Variants in RCOR2 observed in about 807,000 individuals in gnomAD.
RCOR2 encodes the protein REST corepressor 2.
Under a neutral mutation model 58.9 loss-of-function variants are expected in RCOR2, and 19 were observed. The ratio of observed to expected loss-of-function variants is 0.32; its 90% CI spans 0.23 to 0.47. The LOEUF (loss-of-function observed/expected upper bound fraction) is 0.47, where lower values mean the gene tolerates loss of function less well. Ranked by LOEUF, RCOR2 falls within the 20% of genes least tolerant of loss-of-function variation. RCOR2 has a pLI of 1.00. For missense variants in RCOR2, 590 were observed against 707.9 expected (o/e 0.83, Z 1.89); for synonymous variants, 286 against 278.7 (o/e 1.03, Z -0.26).
upstream of RCOR2, among the ~76,000 whole-genome samples, chr11:63,921,373 C>T (rs1941915090): frequency 6.6e-6 from 1 of 152,206 alleles, no homozygotes; most frequent in Non-Finnish European, 1.5e-5. Flanking sequence ...GCGCCATGTT[C>T]CTGGGGAAGT....
rs1194873727 is a variant in RCOR2, at chr11:63,915,311, A to T, written c.185-53T>A. ...ACACTCAGATCAGCCTGGTGGCACA[A>T]GCCTAGACCCATGGCCAGAGGGCAG... On this transcript the variant is annotated intron_variant, in intron 2 of 11. Coordinates refer to ENST00000301459, the MANE Select transcript of RCOR2 (RefSeq NM_173587.4). 17 of 1,492,448 alleles carry T rather than the reference A, an allele frequency of 1.1e-5. No homozygotes were observed. In the African/African-American group the frequency reaches 1.8e-4, roughly 16 times the overall value. The allele number at this position is 1,492,448 out of a possible 1,614,324, so 92.5% of individuals were successfully genotyped here.
At chr11:63,915,426 C>T in intron 2 of RCOR2, 129 bp downstream of exon 2, 1 of 1,169,114 alleles carries the variant, frequency 8.6e-7, no homozygotes, top group South Asian at 1.4e-5. Flanking sequence ...GCAAACCATG[C>T]TGGGGGGCCA....
At position 63,916,967 on chromosome 11, in the gene RCOR2, C is replaced by CCGGCGGCGGCGGCGG. The variant is rs543905673; in HGVS notation, c.-526_-512dup. Reference sequence around the variant, plus strand: ...CCCGCGACGGCAGCCGGCCGGGGCACCGGCGGCGGCGGCGGCGGCGACGGC... The same window carrying CCGGCGGCGGCGGCGG: ...CCCGCGACGGCAGCCGGCCGGGGCACCGGCGGCGGCGGCGGCGGCGGCGGCGGCGGCGGCGACGGC... On this transcript the variant is annotated 5_prime_UTR_variant, in exon 1 of 12. Transcript: ENST00000301459. 4 of 147,030 alleles carry CCGGCGGCGGCGGCGG rather than the reference C, an allele frequency of 2.7e-5. No homozygotes were observed. Among genetic ancestry groups the CCGGCGGCGGCGGCGG allele is most frequent in the Admixed American group, 6.8e-5 (1 of 14,734 alleles). 9.1% of individuals were successfully genotyped at this position (147,030 alleles called of 1,614,324 possible).
At chr11:63,921,021 C>A (rs1008434835), upstream of RCOR2, among the ~76,000 whole-genome samples, 3 of 152,246 alleles carry the variant, frequency 2.0e-5, no homozygotes, top group African/African-American at 7.2e-5. Flanking sequence ...ACAGGCACAT[C>A]TGGGAGTGGC....
intron 8 of RCOR2, among the ~76,000 whole-genome samples, chr11:63,913,203 T>TTTTTG (rs1941805431): frequency 8.7e-6 from 1 of 114,432 alleles, no homozygotes; most frequent in Non-Finnish European, 1.9e-5. Flanking sequence ...TTTTTTTTTT[T>TTTTTG]GAGAAGGAGT....
rs1433656661 is a variant in RCOR2, at chr11:63,916,697, G to A, written c.-241C>T. The A allele has an allele frequency of 3.4e-6, 2 of 595,398 alleles. No individual in the cohort carries two copies. Among genetic ancestry groups the A allele is most frequent in the African/African-American group, 3.8e-5 (2 of 52,482 alleles). The allele number at this position is 595,398 out of a possible 1,614,324, so 36.9% of individuals were successfully genotyped here. A position where few individuals can be genotyped will look rare whatever the true frequency, so the allele number is the denominator to read the frequency against. ...GTTTGTGCAGAAGTGGGGGACGCAA[G>A]GGATGAGCGCAAGGTCCGGTGCGGC... On this transcript the variant is annotated 5_prime_UTR_variant, in exon 1 of 12. Coordinates refer to ENST00000301459, the MANE Select transcript of RCOR2 (RefSeq NM_173587.4).
chr11:63,917,433 C>G (rs544741068), upstream of RCOR2, among the ~76,000 whole-genome samples: 12 of 152,226 alleles, frequency 7.9e-5, no homozygotes, highest in Non-Finnish European at 1.5e-4. Context: ...GGGTCAGCCC[C>G]ACCCACGCGC....
At chr11:63,913,106 G>C (rs1040763372) in intron 8 of RCOR2, 159 bp from the exon 9 acceptor site, 42 of 542,942 alleles carry the variant, frequency 7.7e-5, no homozygotes, top group Admixed American at 1.0e-4. Context: ...CAACTACTCA[G>C]TAGGGGAGCC....
At chr11:63,913,084 G>A (rs1432988359) in intron 8 of RCOR2, 137 bp from the exon 9 acceptor site, 5 of 696,368 alleles carry the variant, frequency 7.2e-6, no homozygotes, top group African/African-American at 3.6e-5. Context: ...CATCTGGCTT[G>A]TTCCTCCTAA....
In RCOR2 at chr11:63,913,491, A is replaced by ATTTTTTTT; in HGVS notation, c.891+455_891+462dup. 1.6e-5 allele frequency among the ~76,000 whole-genome samples: 2 copies of ATTTTTTTT among 126,740 alleles called. 1 individual carries two copies. Among genetic ancestry groups the ATTTTTTTT allele is most frequent in the African/African-American group, 5.5e-5 (2 of 36,078 alleles). 83.1% of individuals were successfully genotyped at this position (126,740 alleles called of 152,430 possible). A position where few individuals can be genotyped will look rare whatever the true frequency, so the allele number is the denominator to read the frequency against. On this transcript the variant is annotated intron_variant, in intron 8 of 11. Coordinates refer to ENST00000301459, the MANE Select transcript of RCOR2 (RefSeq NM_173587.4). Reference sequence around the variant, plus strand: ...AGGTATGAGCCACCGTGCTCGGCCTATTTTTTTTTGAGACGGAATCTCACT... The same window carrying ATTTTTTTT: ...AGGTATGAGCCACCGTGCTCGGCCTATTTTTTTTTTTTTTTTTGAGACGGAATCTCACT...
upstream of RCOR2, among the ~76,000 whole-genome samples, chr11:63,921,396 GT>G (rs1941915237): frequency 6.6e-6 from 1 of 152,178 alleles, no homozygotes; most frequent in South Asian, 2.1e-4. Context: ...CTGGATCATG[GT>G]CCCCCTGGGC....
the RCOR2 span, among the ~76,000 whole-genome samples, chr11:63,923,507 C>T: frequency 4.6e-5 from 7 of 152,164 alleles, no homozygotes; most frequent in African/African-American, 1.7e-4. Flanking sequence ...CCAAGGTCAC[C>T]AGTGACTTTG....
At chr11:63,923,365 T>C in the RCOR2 span, among the ~76,000 whole-genome samples, 1 of 151,010 alleles carries the variant, frequency 6.6e-6, no homozygotes, top group South Asian at 2.1e-4. Flanking sequence ...TCACCTTAGT[T>C]GCCCCTTTCA....
upstream of RCOR2, among the ~76,000 whole-genome samples, chr11:63,917,387 C>G: frequency 6.6e-6 from 1 of 152,198 alleles, no homozygotes; most frequent in Non-Finnish European, 1.5e-5. Context: ...AGACTTGCCC[C>G]TGGGGGAGAC....
Position 63,917,146 on chromosome 11 carries a change from C to T in RCOR2, c.-690G>A, listed in dbSNP as rs905696238. Among the ~76,000 whole-genome samples the T allele has an allele frequency of 1.3e-5, 2 of 151,900 alleles. No homozygotes were observed. The highest frequency in any genetic ancestry group is 4.8e-5 in the African/African-American group (2 of 41,394). ...TGCTCGCCCGCTCTCCGCCGCCGCT[C>T]GCTCCTCGCGCACACAATGAAGCTG... On this transcript the variant is annotated 5_prime_UTR_variant, in exon 1 of 12. Coordinates refer to ENST00000301459, the MANE Select transcript of RCOR2 (RefSeq NM_173587.4).
In RCOR2 at chr11:63,916,391, C is replaced by T. The variant is rs771211572; in HGVS notation, c.66G>A (p.Thr22=). 1 of 1,607,458 alleles carries T rather than the reference C, an allele frequency of 6.2e-7. No homozygotes were observed. Among genetic ancestry groups the T allele is most frequent in the Non-Finnish European group, 8.5e-7 (1 of 1,177,704 alleles). The change falls in exon 1 of 12, where the codon ACG becomes ACA. Residue 22 remains threonine (T), a synonymous_variant. Transcript: ENST00000301459. ...SGILSRSRAK[T]VPNGGQPHSE... ...AGTGGGGCTGTCCGCCGTTGGGCAC[C>T]GTCTTGGCCCGGCTACGGGACAGGA... is the stretch of plus-strand genomic sequence containing the variant.
At chr11:63,923,926 G>A in the RCOR2 span, among the ~76,000 whole-genome samples, 1 of 152,112 alleles carries the variant, frequency 6.6e-6, no homozygotes, top group African/African-American at 2.4e-5. Flanking sequence ...TTTATTCATT[G>A]AGGCGGAGTT....
chr11:63,917,435 C>A (rs1941876391), upstream of RCOR2, among the ~76,000 whole-genome samples: 1 of 152,116 alleles, frequency 6.6e-6, no homozygotes, highest in Non-Finnish European at 1.5e-5. Context: ...GTCAGCCCCA[C>A]CCACGCGCAC....
intron 6 of RCOR2, 26 bp downstream of exon 6, chr11:63,914,391 T>C (rs1377963086): frequency 4.3e-6 from 7 of 1,613,160 alleles, no homozygotes; most frequent in Non-Finnish European, 5.9e-6. Context: ...CCTACCCCCA[T>C]GCCCAGTGCT....
Sources: gnomAD v4.1 joint callset for allele counts (sites outside exome capture counted in the v4.1 genomes callset) on GRCh38, gnomAD v4.1.1 for gene constraint, MANE v1.5 for transcripts, NCBI Gene and HGNC (gene_info 2026-07-23, HGNC 2026-07-21) for gene names.